CCDC148: variants seen among roughly 807,000 people sequenced by gnomAD.
CCDC148 encodes the protein coiled-coil domain-containing protein 148.
A neutral mutation model predicts 85.7 loss-of-function variants in CCDC148; 89 were observed. The ratio of observed to expected loss-of-function variants is 1.04; its 90% CI spans 0.87 to 1.24. CCDC148 has a LOEUF of 1.24. Ranked by LOEUF, CCDC148 falls within the 50% of genes most tolerant of loss-of-function variation. The pLI is 0.00. For synonymous variants in CCDC148, 230 were observed against 213.9 expected (o/e 1.08, Z -0.66); for missense variants, 692 against 671.7 (o/e 1.03, Z -0.33).
chr2:158,181,323 T>A (rs1035029741), intron 11 of CCDC148, among the ~76,000 whole-genome samples: 4 of 152,168 alleles, frequency 2.6e-5, no homozygotes, highest in Middle Eastern at 3.2e-3. Flanking sequence ...GAAGGCTGAC[T>A]CATCATTTAC....
chr2:158,268,945 C>T (rs777906082), intron 9 of CCDC148, among the ~76,000 whole-genome samples: 2 of 152,256 alleles, frequency 1.3e-5, no homozygotes, highest in African/African-American at 2.4e-5. Flanking sequence ...TATACACATG[C>T]CACAATTGCT....
At chr2:158,404,264 C>A (rs866273565) in intron 1 of CCDC148, among the ~76,000 whole-genome samples, 5 of 152,090 alleles carry the variant, frequency 3.3e-5, no homozygotes, top group Admixed American at 6.6e-5. Flanking sequence ...GGAAGCGCAC[C>A]CTAACCATGG....
At chr2:158,387,674 C>T (rs933888898) in intron 1 of CCDC148, among the ~76,000 whole-genome samples, 1 of 152,032 alleles carries the variant, frequency 6.6e-6, no homozygotes, top group African/African-American at 2.4e-5. Context: ...CGTGAGCCTG[C>T]TTTCCACTCC....
At chr2:158,422,563 A>C (rs539409759) in intron 1 of CCDC148, among the ~76,000 whole-genome samples, 1 of 152,292 alleles carries the variant, frequency 6.6e-6, no homozygotes, top group East Asian at 1.9e-4. Context: ...TCAATAAATT[A>C]GGTATTGATG....
chr2:158,267,116 T>A (rs1019250803), intron 9 of CCDC148, among the ~76,000 whole-genome samples: 3 of 152,182 alleles, frequency 2.0e-5, no homozygotes, highest in East Asian at 3.9e-4. Flanking sequence ...ATTCTTAGCA[T>A]GACATGCCAG....
At chr2:158,332,775 C>T (rs1020788129) in intron 7 of CCDC148, among the ~76,000 whole-genome samples, 5 of 151,992 alleles carry the variant, frequency 3.3e-5, no homozygotes, top group African/African-American at 1.2e-4. Context: ...GTGTATTTGT[C>T]CAGGAATTTA....
chr2:158,250,206 A>G (rs1381084830), intron 10 of CCDC148, among the ~76,000 whole-genome samples: 3 of 152,154 alleles, frequency 2.0e-5, no homozygotes, highest in Non-Finnish European at 4.4e-5. Context: ...ATCAACAATC[A>G]CTTCTTTTGG....
intron 7 of CCDC148, among the ~76,000 whole-genome samples, chr2:158,323,331 A>T (rs1422086565): frequency 1.3e-5 from 2 of 152,232 alleles, no homozygotes; most frequent in South Asian, 4.1e-4. Flanking sequence ...AATGTAAAAT[A>T]TCTCATTAAT....
intron 11 of CCDC148, 45 bp downstream of exon 11, chr2:158,220,550 C>G (rs1387245327): frequency 2.3e-6 from 3 of 1,301,846 alleles, no homozygotes; most frequent in Non-Finnish European, 3.3e-6. Context: ...ACAAAAGACT[C>G]CATTCACCAC....
intron 2 of CCDC148, among the ~76,000 whole-genome samples, chr2:158,350,410 T>C (rs1041254443): frequency 9.9e-5 from 15 of 152,246 alleles, no homozygotes; most frequent in African/African-American, 2.9e-4. Context: ...TATGAATATT[T>C]ATTTATCTAT....
chr2:158,357,612 A>G (rs906276938), intron 2 of CCDC148, among the ~76,000 whole-genome samples: 4 of 152,222 alleles, frequency 2.6e-5, no homozygotes, highest in African/African-American at 7.2e-5. Flanking sequence ...TTTTAAAGTT[A>G]TATAAACCAA....
intron 1 of CCDC148, among the ~76,000 whole-genome samples, chr2:158,435,796 T>G (rs140697082): frequency 0.075 from 11,340 of 150,698 alleles, 567 homozygotes; most frequent in Middle Eastern, 0.11. Context: ...ACCAAGAAAA[T>G]AGAAAACAAA....
At chr2:158,370,365 T>G (rs1297334929) in intron 1 of CCDC148, among the ~76,000 whole-genome samples, 1 of 152,106 alleles carries the variant, frequency 6.6e-6, no homozygotes, top group Non-Finnish European at 1.5e-5. Context: ...TGTAAAAAAT[T>G]AATTTATCAA....
At chr2:158,331,518 T>G (rs1446631840) in intron 7 of CCDC148, among the ~76,000 whole-genome samples, 1 of 152,212 alleles carries the variant, frequency 6.6e-6, no homozygotes, top group Non-Finnish European at 1.5e-5. Flanking sequence ...AGATGTCTAT[T>G]ATGTCCGCTT....
chr2:158,262,731 T>C (rs1689285275), intron 9 of CCDC148, among the ~76,000 whole-genome samples: 1 of 151,944 alleles, frequency 6.6e-6, no homozygotes, highest in African/African-American at 2.4e-5. Flanking sequence ...ACTCACTCAC[T>C]ATCATGAGAA....
At chr2:158,397,769 A>T (rs756186409) in intron 1 of CCDC148, among the ~76,000 whole-genome samples, 4 of 152,154 alleles carry the variant, frequency 2.6e-5, no homozygotes. Context: ...GATCAAATTC[A>T]CACATAACAA....
chr2:158,247,560 A>G (rs994882479), intron 10 of CCDC148, among the ~76,000 whole-genome samples: 1 of 152,152 alleles, frequency 6.6e-6, no homozygotes, highest in African/African-American at 2.4e-5. Flanking sequence ...ACGGAACACT[A>G]TGTAGCAATT....
At position 158,174,099 on chromosome 2, in the gene CCDC148, A is replaced by G. The variant is rs1333189516; in HGVS notation, c.1630-1840T>C. ...TCTGTATTCTTAAATGGTTAATGGC[A>G]GCACCACCAGATGATTATAATTTAC... On this transcript the variant is annotated intron_variant, in intron 13 of 13. Transcript: ENST00000283233. 3.3e-5 allele frequency among the ~76,000 whole-genome samples: 5 copies of G among 152,034 alleles called. No individual in the cohort carries two copies. In the East Asian group the frequency reaches 9.7e-4, roughly 29 times the overall value.
intron 1 of CCDC148, among the ~76,000 whole-genome samples, chr2:158,431,105 T>A (rs1328675138): frequency 2.6e-5 from 4 of 151,036 alleles, no homozygotes; most frequent in Non-Finnish European, 5.9e-5. Flanking sequence ...CCAAGAATAC[T>A]AATATACATG....
Sources: gnomAD v4.1 joint callset for allele counts (sites outside exome capture counted in the v4.1 genomes callset) on GRCh38, gnomAD v4.1.1 for gene constraint, MANE v1.5 for transcripts, NCBI Gene and HGNC (gene_info 2026-07-23, HGNC 2026-07-21) for gene names.